Variants in ZFP91 observed in about 807,000 individuals in gnomAD.
ZFP91 encodes the protein E3 ubiquitin-protein ligase ZFP91.
A neutral mutation model predicts 63.5 loss-of-function variants in ZFP91; 7 were observed. The observed-to-expected ratio is 0.11, with a 90% CI of 0.06 to 0.21. The LOEUF (loss-of-function observed/expected upper bound fraction) is 0.21, where lower values mean the gene tolerates loss of function less well. ZFP91 is among the 10% of genes least tolerant of loss of function. ZFP91 has a pLI of 1.00. For missense variants in ZFP91, 628 were observed against 736.6 expected (o/e 0.85, Z 1.71); for synonymous variants, 330 against 272.1 (o/e 1.21, Z -2.10).
chr11:58,607,337 G>A (rs1016169652), intron 2 of ZFP91, among the ~76,000 whole-genome samples: 2 of 152,124 alleles, frequency 1.3e-5, no homozygotes, highest in African/African-American at 4.8e-5. Flanking sequence ...AAATCTAGGT[G>A]TCCTTAGCTA....
intron 2 of ZFP91, among the ~76,000 whole-genome samples, chr11:58,608,142 G>C (rs2134416003): frequency 6.6e-6 from 1 of 151,654 alleles, no homozygotes; most frequent in East Asian, 2.0e-4. Flanking sequence ...TAGAAGAGTA[G>C]ACAACTAAAC....
chr11:58,606,362 C>A (rs894323475), intron 2 of ZFP91, among the ~76,000 whole-genome samples: 1 of 152,154 alleles, frequency 6.6e-6, no homozygotes, highest in East Asian at 1.9e-4. Flanking sequence ...CCACTGTACC[C>A]GGCCTCTCTT....
chr11:58,589,853 T>C (rs1438064420), intron 2 of ZFP91, among the ~76,000 whole-genome samples: 2 of 152,256 alleles, frequency 1.3e-5, no homozygotes, highest in East Asian at 1.9e-4. Context: ...ATGTCACTTA[T>C]AATATGTGAA....
intron 9 of ZFP91, among the ~76,000 whole-genome samples, chr11:58,615,451 A>T (rs573717268): frequency 2.6e-5 from 4 of 152,328 alleles, no homozygotes; most frequent in Middle Eastern, 3.4e-3. Context: ...TTATAAATTC[A>T]GTCCATTTCA....
chr11:58,605,809 T>G (rs551722698), intron 2 of ZFP91, among the ~76,000 whole-genome samples: 114 of 152,276 alleles, frequency 7.5e-4, no homozygotes, highest in African/African-American at 2.4e-3. Context: ...CCCCAATAGT[T>G]TTTCAAATAT....
chr11:58,592,562 A>G (rs1229442764), intron 2 of ZFP91, among the ~76,000 whole-genome samples: 1 of 152,208 alleles, frequency 6.6e-6, no homozygotes, highest in African/African-American at 2.4e-5. Flanking sequence ...TATGCTAAGT[A>G]AAATGCGCCA....
rs560812589 is a variant in ZFP91 at position 58,611,802 on chromosome 11, T to A, written c.857+64T>A. ...TTTGAACGACTAGTGGAAAAAAGAGTGGGAGTGTGAGGAAGGATGTTGACG... is the reference window on the plus strand; with the variant it reads ...TTTGAACGACTAGTGGAAAAAAGAGAGGGAGTGTGAGGAAGGATGTTGACG... On this transcript the variant is annotated intron_variant, in intron 6 of 10. Coordinates refer to ENST00000316059, the MANE Select transcript of ZFP91 (RefSeq NM_053023.5). 4 of 1,534,288 alleles carry A rather than the reference T, an allele frequency of 2.6e-6. No individual in the cohort carries two copies. In the African/African-American group the frequency reaches 5.6e-5, roughly 21 times the overall value.
rs2134418753 is a variant in ZFP91, at chr11:58,610,426, T to C, written c.617+92T>C. ...CAGAAGTTGCTTCCATTTGAAATTATTTTGAGCTGTAAGAGAAATTAACTT... is the reference window on the plus strand; with the variant it reads ...CAGAAGTTGCTTCCATTTGAAATTACTTTGAGCTGTAAGAGAAATTAACTT... On this transcript the variant is annotated intron_variant, in intron 4 of 10. Transcript: ENST00000316059. 3.2e-6 allele frequency: 4 copies of C among 1,262,614 alleles called. 1 individual carries two copies. Among genetic ancestry groups the C allele is most frequent in the South Asian group, 1.6e-5 (1 of 63,366 alleles). The allele number at this position is 1,262,614 out of a possible 1,614,324, so 78.2% of individuals were successfully genotyped here.
rs996432091 is a variant in ZFP91 at position 58,620,251 on chromosome 11, A to G, written c.*2545A>G. 4.6e-5 allele frequency: 7 copies of G among 152,212 alleles called. No homozygotes were observed. Among genetic ancestry groups the G allele is most frequent in the Non-Finnish European group, 8.8e-5 (6 of 68,040 alleles). 9.4% of individuals were successfully genotyped at this position (152,212 alleles called of 1,614,324 possible). On this transcript the variant is annotated 3_prime_UTR_variant, in exon 11 of 11. Transcript: ENST00000316059. ...TTTCCTTTTGATAAAGGGATGCTGC[A>G]TAGTAGAGTTGGTGTAATTAAACTA...
chr11:58,618,572 TC>T lies in ZFP91; in HGVS notation c.*867del. ...AGATTCCTTATTTATTAACAGGAAGTCTGATTTTTTTTTTTTGGAGTCTTTG... is the reference window on the plus strand; with the variant it reads ...AGATTCCTTATTTATTAACAGGAAGTTGATTTTTTTTTTTTGGAGTCTTTG... On this transcript the variant is annotated 3_prime_UTR_variant, in exon 11 of 11. Coordinates refer to ENST00000316059, the MANE Select transcript of ZFP91 (RefSeq NM_053023.5). 1 of 406,832 alleles carries T rather than the reference TC, an allele frequency of 2.5e-6. No individual in the cohort carries two copies. 25.2% of individuals were successfully genotyped at this position (406,832 alleles called of 1,614,324 possible). A position where few individuals can be genotyped will look rare whatever the true frequency, so the allele number is the denominator to read the frequency against.
chr11:58,586,804 G>A (rs1455746039), intron 2 of ZFP91, among the ~76,000 whole-genome samples: 3 of 152,148 alleles, frequency 2.0e-5, no homozygotes, highest in Non-Finnish European at 4.4e-5. Flanking sequence ...CTCATGTTCA[G>A]TCTGCTAAAT....
intron 1 of ZFP91, 21 bp downstream of exon 1, chr11:58,579,643 C>A: frequency 2.0e-6 from 3 of 1,532,338 alleles, no homozygotes; most frequent in Non-Finnish European, 1.7e-6. Flanking sequence ...GTCTTTCAGG[C>A]GGTGGGAAAG....
At chr11:58,582,077 T>A (rs1855126946) in intron 1 of ZFP91, among the ~76,000 whole-genome samples, 1 of 152,208 alleles carries the variant, frequency 6.6e-6, no homozygotes, top group African/African-American at 2.4e-5. Context: ...CTAAAGCATT[T>A]TAGCTTGGCA....
intron 2 of ZFP91, among the ~76,000 whole-genome samples, chr11:58,592,615 C>T (rs1161306342): frequency 6.6e-6 from 1 of 152,020 alleles, no homozygotes; most frequent in Non-Finnish European, 1.5e-5. Context: ...TGTGTGTAAT[C>T]TAAATAACTG....
chr11:58,614,453 G>T (rs1038056606), intron 9 of ZFP91, 110 bp downstream of exon 9: 1 of 760,668 alleles, frequency 1.3e-6, no homozygotes, highest in African/African-American at 1.8e-5. Context: ...CTATAGTCAA[G>T]TGCGGGGAAA....
intron 2 of ZFP91, among the ~76,000 whole-genome samples, chr11:58,591,779 TC>T (rs1049507928): frequency 1.4e-4 from 22 of 152,132 alleles, no homozygotes; most frequent in African/African-American, 5.3e-4. Flanking sequence ...TAGAGTCTAT[TC>T]CAGTAACAAC....
At chr11:58,609,806 A>G (rs961324274) in intron 2 of ZFP91, 24 bp from the exon 3 acceptor site, 15 of 1,603,918 alleles carry the variant, frequency 9.4e-6, no homozygotes, top group African/African-American at 1.3e-5. Context: ...AAACTTAAAG[A>G]GAATGGTATG....
Position 58,609,853 on chromosome 11 carries a change from G to A in ZFP91, c.394G>A (p.Glu132Lys). 14 of 1,614,176 alleles carry A rather than the reference G, an allele frequency of 8.7e-6. No homozygotes were observed. Among genetic ancestry groups the A allele is most frequent in the Non-Finnish European group, 1.1e-5 (13 of 1,180,012 alleles). ...DKDPKEEKEE[E>K]DDSALPQEVS... is the part of the protein sequence containing the mutation. ...AGATCCCAAGGAAGAAAAAGAGGAA[G>A]AAGACGATTCTGCCCTCCCTCAGGA... is the stretch of plus-strand genomic sequence containing the variant. Residue 132 changes from glutamate (E) to lysine (K), a missense_variant, in exon 3 of 11, where the codon GAA becomes AAA. Physicochemically the swap from Glu to Lys is moderately conservative, Grantham distance 56 (BLOSUM62 1). Coordinates refer to ENST00000316059, the MANE Select transcript of ZFP91 (RefSeq NM_053023.5).
Position 58,618,026 on chromosome 11 carries a change from C to G in ZFP91, c.*320C>G, listed in dbSNP as rs984071770. On this transcript the variant is annotated 3_prime_UTR_variant, in exon 11 of 11. Transcript: ENST00000316059. ...GACTTCCTGCTCATCGGCAGATCCC[C>G]CTTTCCAACCTGTAACTCTGATGTG... The G allele has an allele frequency of 4.3e-6, 1 of 235,092 alleles. No homozygotes were observed. The highest frequency in any genetic ancestry group is 2.2e-5 in the African/African-American group (1 of 44,480). 14.6% of individuals were successfully genotyped at this position (235,092 alleles called of 1,614,324 possible). A position where few individuals can be genotyped will look rare whatever the true frequency, so the allele number is the denominator to read the frequency against.
Sources: gnomAD v4.1 joint callset for allele counts (sites outside exome capture counted in the v4.1 genomes callset) on GRCh38, gnomAD v4.1.1 for gene constraint, MANE v1.5 for transcripts, NCBI Gene and HGNC (gene_info 2026-07-23, HGNC 2026-07-21) for gene names.